Variants in NCOR2 observed in about 807,000 individuals in gnomAD.
NCOR2 encodes CTG repeat protein 26.
In NCOR2, 81 loss-of-function variants were observed where a neutral mutation model predicts 262.9. The ratio of observed to expected loss-of-function variants is 0.31; its 90% CI spans 0.26 to 0.37. The LOEUF (loss-of-function observed/expected upper bound fraction) is 0.37, where lower values mean the gene tolerates loss of function less well. NCOR2 is among the 10% of genes least tolerant of loss of function. The probability of loss-of-function intolerance (pLI) is 1.00; values close to 1 mark genes in which losing one functional copy is unlikely to be tolerated. For synonymous variants in NCOR2, 1,659 were observed against 1,559.3 expected, an observed-to-expected ratio of 1.06 and a Z score of -1.51; for missense variants, 3,385 against 3,621.4, an observed-to-expected ratio of 0.93 and a Z score of 1.68.
At chr12:124,352,695 G>A (rs566102952) in intron 27 of NCOR2, among the ~76,000 whole-genome samples, 15 of 152,346 alleles carry the variant, frequency 9.8e-5, no homozygotes, top group African/African-American at 3.6e-4. Context: ...TAGTATTTTA[G>A]AGGTGCCATC....
intron 1 of NCOR2, among the ~76,000 whole-genome samples, chr12:124,522,725 C>T (rs1241263846): frequency 6.6e-6 from 1 of 152,276 alleles, no homozygotes; most frequent in Non-Finnish European, 1.5e-5. Context: ...CCGGAAACAC[C>T]TTTGGTGCCC....
intron 7 of NCOR2, among the ~76,000 whole-genome samples, chr12:124,439,507 C>T (rs1565946023): frequency 7.5e-6 from 1 of 133,300 alleles, no homozygotes; most frequent in Admixed American, 7.5e-5. Context: ...AAACAGAGAC[C>T]CAGAGAGAGA....
At position 124,547,365 on chromosome 12, in the gene NCOR2, G is replaced by T. The variant is rs142084492; in HGVS notation, c.-164-11754C>A. Among the ~76,000 whole-genome samples the T allele has an allele frequency of 5.6e-3, 852 of 152,236 alleles. 5 individuals carry two copies. The highest frequency in any genetic ancestry group is 0.019 in the African/African-American group (807 of 41,524). ...AATTTGTAAAGAAAACCTTGTCATA[G>T]GTCTGTATGTGTAGGAAAAGATGGA... On this transcript the variant is annotated intron_variant, in intron 1 of 32. Transcript: ENST00000458234.
exon 38 of NCOR2, chr12:124,336,974 C>A: frequency 1.3e-6 from 2 of 1,519,858 alleles, no homozygotes; most frequent in Non-Finnish European, 1.8e-6. Flanking sequence ...GGGCTCCAGC[C>A]CGGAGCGGGC....
rs780927498 is a variant in NCOR2 at position 124,354,931 on chromosome 12, C to T, written c.3390G>A (p.Ser1130=). The change falls in exon 25 of 47, where the codon TCG becomes TCA. Residue 1130 remains serine, a synonymous_variant. Coordinates refer to ENST00000405201, the Ensembl canonical transcript of NCOR2. Reference sequence around the variant, plus strand: ...CTGAGTACGGGACGTGGAGCTGGACCGACATTCCCTGTAGGGGCGGAGTTG... The same window carrying T: ...CTGAGTACGGGACGTGGAGCTGGACTGACATTCCCTGTAGGGGCGGAGTTG... 1.7e-5 allele frequency: 28 copies of T among 1,612,828 alleles called. No homozygotes were observed. The East Asian group carries it at 3.6e-4, about 21-fold the overall frequency.
At chr12:124,326,497 C>A in intron 45 of NCOR2, 127 bp from the exon 48 acceptor site, 1 of 934,092 alleles carries the variant, frequency 1.1e-6, no homozygotes, top group Non-Finnish European at 1.5e-6. Context: ...AGAGCAGTAA[C>A]GTGAACCCCT....
At chr12:124,550,914 T>C (rs1241977353) in intron 1 of NCOR2, among the ~76,000 whole-genome samples, 1 of 152,228 alleles carries the variant, frequency 6.6e-6, no homozygotes, top group Non-Finnish European at 1.5e-5. Context: ...CCCCTTCCCA[T>C]GGCAAGCACC....
intron 20 of NCOR2, among the ~76,000 whole-genome samples, chr12:124,366,513 T>C (rs2039048876): frequency 6.6e-6 from 1 of 152,142 alleles, no homozygotes; most frequent in Non-Finnish European, 1.5e-5. Flanking sequence ...AAGAACTGAA[T>C]GATACACGTT....
chr12:124,418,005 G>A (rs2043000035), intron 13 of NCOR2, among the ~76,000 whole-genome samples: 1 of 151,004 alleles, frequency 6.6e-6, no homozygotes, highest in African/African-American at 2.4e-5. Context: ...AGGTTGCAGT[G>A]AGCTGGGATC....
chr12:124,437,782 G>A, intron 8 of NCOR2, 148 bp downstream of exon 10: 1 of 361,874 alleles, frequency 2.8e-6, no homozygotes, highest in Non-Finnish European at 4.8e-6. Context: ...CTCCTTTCCT[G>A]GCCGGCCTTG....
chr12:124,560,120 CCA>C (rs1211710790), intron 1 of NCOR2, among the ~76,000 whole-genome samples: 4 of 152,216 alleles, frequency 2.6e-5, no homozygotes, highest in African/African-American at 9.6e-5. Flanking sequence ...CCTCTCTGGG[CCA>C]CAGTTTCCTC....
chr12:124,361,974 G>A (rs941574156), intron 22 of NCOR2, 152 bp downstream of exon 24: 4 of 664,878 alleles, frequency 6.0e-6, no homozygotes, highest in Non-Finnish European at 8.5e-6. Flanking sequence ...ATTCCCAACT[G>A]CCTCCCCCTG....
intron 35 of NCOR2, 79 bp from the exon 38 acceptor site, chr12:124,340,522 GC>G: frequency 6.4e-7 from 1 of 1,560,816 alleles, no homozygotes. Context: ...GGGAAAGAGA[GC>G]AGGGCTTCTG....
At chr12:124,527,743 G>A (rs969285463) in intron 1 of NCOR2, among the ~76,000 whole-genome samples, 1 of 152,190 alleles carries the variant, frequency 6.6e-6, no homozygotes, top group African/African-American at 2.4e-5. Context: ...ATTATAACAT[G>A]TGAAGTGTGA....
chr12:124,562,980 G>C (rs2052120539), intron 1 of NCOR2, among the ~76,000 whole-genome samples: 1 of 152,162 alleles, frequency 6.6e-6, no homozygotes, highest in Non-Finnish European at 1.5e-5. Context: ...TTTTAGAGAT[G>C]AGCAAACTGA....
At chr12:124,333,911 C>T (rs1017214991) in intron 41 of NCOR2, among the ~76,000 whole-genome samples, 9 of 34,856 alleles carry the variant, frequency 2.6e-4, no homozygotes, top group East Asian at 1.7e-3. Context: ...CGCATGTGTG[C>T]GGGTGTGCAT....
chr12:124,337,636 C>G (rs558254352), intron 37 of NCOR2, among the ~76,000 whole-genome samples: 1 of 152,292 alleles, frequency 6.6e-6, no homozygotes, highest in African/African-American at 2.4e-5. Flanking sequence ...CATGAGGGAG[C>G]TGGGCCTGCT....
chr12:124,559,779 G>A (rs1326685631), intron 1 of NCOR2, among the ~76,000 whole-genome samples: 1 of 152,232 alleles, frequency 6.6e-6, no homozygotes, highest in African/African-American at 2.4e-5. Context: ...GCAGAAAGCA[G>A]GCTGCAAAAT....
intron 1 of NCOR2, among the ~76,000 whole-genome samples, chr12:124,544,197 CCT>C (rs2051470721): frequency 6.6e-6 from 1 of 152,182 alleles, no homozygotes; most frequent in Non-Finnish European, 1.5e-5. Context: ...CCGCAGTGAC[CCT>C]GTCTGTAAAA....
Sources: gnomAD v4.1 joint callset for allele counts (sites outside exome capture counted in the v4.1 genomes callset) on GRCh38, gnomAD v4.1.1 for gene constraint, MANE v1.5 for transcripts, NCBI Gene and HGNC (gene_info 2026-07-23, HGNC 2026-07-21) for gene names.